Variants in LYZ observed in about 807,000 individuals in gnomAD.
The protein encoded by LYZ is lysozyme.
A neutral mutation model predicts 15.8 loss-of-function variants in LYZ; 18 were observed. That is an observed-to-expected ratio of 1.14 (90% CI 0.79 to 1.69). The LOEUF is 1.69. LYZ is among the 40% of genes most tolerant of loss of function. The pLI is 0.00. For missense variants in LYZ, 139 were observed against 182.8 expected (o/e 0.76, Z 1.38); for synonymous variants, 60 against 61.7 (o/e 0.97, Z 0.13).
intron 1 of LYZ, among the ~76,000 whole-genome samples, chr12:69,348,784 T>C (rs1055494639): frequency 1.3e-5 from 2 of 152,162 alleles, no homozygotes; most frequent in Admixed American, 6.5e-5. Context: ...TGTACTGTTC[T>C]AGTGCTAGGA....
rs878856822 is a variant in LYZ at position 69,348,546 on chromosome 12, T to C, written c.136+2T>C. 1 of 1,614,000 alleles carries C rather than the reference T, an allele frequency of 6.2e-7. No homozygotes were observed. The highest frequency in any genetic ancestry group is 1.3e-5 in the African/African-American group (1 of 74,906). ...ACAGGGGAATCAGCCTAGCAAACTGTAAGTCTACTCTCCATAATTCCAGAG... is the reference window on the plus strand; with the variant it reads ...ACAGGGGAATCAGCCTAGCAAACTGCAAGTCTACTCTCCATAATTCCAGAG... On this transcript the variant is annotated splice_donor_variant, in intron 1 of 3. Coordinates refer to ENST00000261267, the MANE Select transcript of LYZ (RefSeq NM_000239.3). LOFTEE classifies it high-confidence loss of function.
chr12:69,354,034 T>G lies in LYZ; in HGVS notation c.*815T>G, dbSNP rs1874909924. The stretch of plus-strand genomic sequence containing the variant: ...TACCAAATGATAGAAACAGACTGCC[T>G]GAATTGAGAATTTTGATTTCTTAAA... On this transcript the variant is annotated 3_prime_UTR_variant, in exon 4 of 4. Transcript: ENST00000261267. 1 of 152,320 alleles carries G rather than the reference T, an allele frequency of 6.6e-6. No individual in the cohort carries two copies. Among genetic ancestry groups the G allele is most frequent in the South Asian group, 2.1e-4 (1 of 4,826 alleles). 9.4% of individuals were successfully genotyped at this position (152,320 alleles called of 1,614,324 possible). A position where few individuals can be genotyped will look rare whatever the true frequency, so the allele number is the denominator to read the frequency against.
Position 69,348,420 on chromosome 12 carries a change from C to T in LYZ, c.12C>T (p.Leu4=). The change falls in exon 1 of 4, where the codon CTC becomes CTT. Residue 4 remains leucine, a synonymous_variant. Transcript: ENST00000261267. ...ACCTAGCAGTCAACATGAAGGCTCT[C>T]ATTGTTCTGGGGCTTGTCCTCCTTT... MKA[L]IVLGLVLLSV... The T allele has an allele frequency of 6.2e-7, 1 of 1,614,194 alleles. No homozygotes were observed. Among genetic ancestry groups the T allele is most frequent in the Non-Finnish European group, 8.5e-7 (1 of 1,180,030 alleles).
intron 2 of LYZ, 47 bp from the exon 3 acceptor site, chr12:69,352,173 A>G (rs752105833): frequency 7.3e-7 from 1 of 1,377,948 alleles, no homozygotes; most frequent in Non-Finnish European, 1.0e-6. Flanking sequence ...CTAAATTTAA[A>G]ATAAAATATC....
At chr12:69,349,075 C>T (rs1019203610) in intron 1 of LYZ, among the ~76,000 whole-genome samples, 3 of 152,148 alleles carry the variant, frequency 2.0e-5, no homozygotes, top group Admixed American at 6.6e-5. Context: ...GATCTCAGCT[C>T]ACTGCAACCT....
chr12:69,349,859 C>G (rs547332), intron 1 of LYZ, among the ~76,000 whole-genome samples: 100,976 of 151,980 alleles, frequency 0.66, 34,130 homozygotes, highest in South Asian at 0.76. Context: ...AGCAATGGAA[C>G]AAACATGTAT....
At chr12:69,351,246 G>T (rs1874838389) in intron 2 of LYZ, among the ~76,000 whole-genome samples, 1 of 151,856 alleles carries the variant, frequency 6.6e-6, no homozygotes, top group African/African-American at 2.4e-5. Context: ...CATAAAAATA[G>T]AAATACCATG....
At chr12:69,351,492 G>GGTATATATTCTTCCAGAAT (rs1874843014) in intron 2 of LYZ, among the ~76,000 whole-genome samples, 1 of 151,706 alleles carries the variant, frequency 6.6e-6, no homozygotes, top group Non-Finnish European at 1.5e-5. Flanking sequence ...GGTAAATTCT[G>GGTATATATTCTTCCAGAAT]GTATATATTC....
chr12:69,353,528 G>C lies in LYZ; in HGVS notation c.*309G>C, dbSNP rs982245735. On this transcript the variant is annotated 3_prime_UTR_variant, in exon 4 of 4. Transcript: ENST00000261267. ...TTTTTTGAGACAGTCTCGCTCTGTC[G>C]CCCAGGCTGGAGTGCAGTGGCGCAA... 1.6e-5 allele frequency: 4 copies of C among 254,440 alleles called. No homozygotes were observed. Among genetic ancestry groups the C allele is most frequent in the African/African-American group, 1.4e-4 (4 of 28,810 alleles). 15.8% of individuals were successfully genotyped at this position (254,440 alleles called of 1,614,324 possible).
In LYZ at chr12:69,350,163, T is replaced by C. The variant is rs373236111; in HGVS notation, c.192T>C (p.Asn64=). ...ACAACACACGAGCTACAAACTACAA[T>C]GCTGGAGACAGAAGCACTGATTATG... ...SGYNTRATNY[N]AGDRSTDYGI... Residue 64 remains asparagine (N), a synonymous_variant, in exon 2 of 4, where the codon AAT becomes AAC. Coordinates refer to ENST00000261267, the MANE Select transcript of LYZ (RefSeq NM_000239.3). The C allele has an allele frequency of 3.7e-6, 6 of 1,614,046 alleles. No individual in the cohort carries two copies. The highest frequency in any genetic ancestry group is 5.1e-6 in the Non-Finnish European group (6 of 1,180,024).
intron 2 of LYZ, among the ~76,000 whole-genome samples, chr12:69,351,757 T>A (rs1874848199): frequency 6.6e-6 from 1 of 152,188 alleles, no homozygotes; most frequent in Non-Finnish European, 1.5e-5. Flanking sequence ...AAAGAATGAC[T>A]AGAATTTTAA....
Position 69,353,906 on chromosome 12 carries a change from AGCT to A in LYZ, c.*689_*691del, listed in dbSNP as rs1219950013. 3 of 152,372 alleles carry A rather than the reference AGCT, an allele frequency of 2.0e-5. No homozygotes were observed. The highest frequency in any genetic ancestry group is 4.4e-5 in the Non-Finnish European group (3 of 68,176). 9.4% of individuals were successfully genotyped at this position (152,372 alleles called of 1,614,324 possible). A position where few individuals can be genotyped will look rare whatever the true frequency, so the allele number is the denominator to read the frequency against. ...TTAAATAGATCTTAGGCAAAATACC[AGCT>A]GATGAAGGCATCTGATGCCTTCATC... On this transcript the variant is annotated 3_prime_UTR_variant, in exon 4 of 4. Coordinates refer to ENST00000261267, the MANE Select transcript of LYZ (RefSeq NM_000239.3).
rs1324049222 is a variant in LYZ, at chr12:69,348,413, A to G, written c.5A>G (p.Lys2Arg). 4 of 1,614,176 alleles carry G rather than the reference A, an allele frequency of 2.5e-6. No individual in the cohort carries two copies. The highest frequency in any genetic ancestry group is 8.5e-7 in the Non-Finnish European group (1 of 1,180,022). Residue 2 changes from lysine (K) to arginine (R), a missense_variant, in exon 1 of 4, where the codon AAG becomes AGG. Physicochemically the swap from Lys to Arg is conservative, Grantham distance 26. Transcript: ENST00000261267. ...CACTCTGACCTAGCAGTCAACATGA[A>G]GGCTCTCATTGTTCTGGGGCTTGTC... M[K>R]ALIVLGLVLL...
rs60163961 is a variant in LYZ, at chr12:69,350,737, C to CT, written c.301+497dup. ...TTTGCCATAGTTGCTTCTTCTATGC[C>CT]TTTTTTTTTTTTTTTTTTTTTTTTT... On this transcript the variant is annotated intron_variant, in intron 2 of 3. Transcript: ENST00000261267. Among the ~76,000 whole-genome samples, 97 of 26,008 alleles carry CT rather than the reference C, an allele frequency of 3.7e-3. 1 individual carries two copies. Among genetic ancestry groups the CT allele is most frequent in the Non-Finnish European group, 5.1e-3 (62 of 12,078 alleles). The allele number at this position is 26,008 out of a possible 152,430, so 17.1% of individuals were successfully genotyped here.
At chr12:69,350,452 A>G in intron 2 of LYZ, 180 bp downstream of exon 2, 1 of 636,160 alleles carries the variant, frequency 1.6e-6, no homozygotes, top group Non-Finnish European at 2.7e-6. Context: ...TGGTATCATA[A>G]AAGGTTGATG....
At chr12:69,350,381 T>C (rs1456339612) in intron 2 of LYZ, 109 bp downstream of exon 2, 5 of 1,053,064 alleles carry the variant, frequency 4.7e-6, no homozygotes, top group Non-Finnish European at 7.3e-6. Flanking sequence ...AAACTACATC[T>C]CAACTTCCAG....
Position 69,353,493 on chromosome 12 carries a change from C to CTTTATTTTTTTTTT in LYZ, c.*274_*275insTTTATTTTTTTTTT. The CTTTATTTTTTTTTT allele has an allele frequency of 4.2e-6, 1 of 239,152 alleles. No homozygotes were observed. The highest frequency in any genetic ancestry group is 1.0e-4 in the East Asian group (1 of 9,602). The allele number at this position is 239,152 out of a possible 1,614,324, so 14.8% of individuals were successfully genotyped here. A position where few individuals can be genotyped will look rare whatever the true frequency, so the allele number is the denominator to read the frequency against. On this transcript the variant is annotated 3_prime_UTR_variant, in exon 4 of 4. Coordinates refer to ENST00000261267, the MANE Select transcript of LYZ (RefSeq NM_000239.3). ...TATCAAATACATCTCCAGTACATTC[C>CTTTATTTTTTTTTT]GTTCTTTTTTTTTTTGAGACAGTCT...
At chr12:69,350,565 G>T in intron 2 of LYZ, 1 of 343,102 alleles carries the variant, frequency 2.9e-6, no homozygotes, top group South Asian at 3.1e-5. Flanking sequence ...CTTACTTTGG[G>T]GAGGTTTTGG....
Position 69,352,316 on chromosome 12 carries a change from A to C in LYZ, c.380+18A>C. 1 of 1,593,970 alleles carries C rather than the reference A, an allele frequency of 6.3e-7. No individual in the cohort carries two copies. Among genetic ancestry groups the C allele is most frequent in the Non-Finnish European group, 8.6e-7 (1 of 1,161,646 alleles). On this transcript the variant is annotated intron_variant, in intron 3 of 3. Coordinates refer to ENST00000261267, the MANE Select transcript of LYZ (RefSeq NM_000239.3). ...AGAGCATGGTATGTTTTAAGTGTTA[A>C]AAGGGAAAACTATCTTACTCTACTG...
Sources: allele counts gnomAD v4.1 joint callset (sites outside exome capture counted in the v4.1 genomes callset), GRCh38; gene constraint gnomAD v4.1.1; transcripts MANE v1.5; gene names NCBI Gene and HGNC (gene_info 2026-07-23, HGNC 2026-07-21).